Variants in PIAS2 observed in about 807,000 individuals in gnomAD.
PIAS2 encodes the protein protein inhibitor of activated STAT 2.
Under a neutral mutation model 69.7 loss-of-function variants are expected in PIAS2, and 19 were observed. The observed-to-expected ratio is 0.27, with a 90% CI of 0.19 to 0.40. PIAS2 has a LOEUF of 0.40. PIAS2 is among the 10% of genes least tolerant of loss of function. The pLI is 1.00. For synonymous variants in PIAS2, 261 were observed against 263.2 expected (o/e 0.99, Z 0.08); for missense variants, 624 against 757.0 (o/e 0.82, Z 2.06).
chr18:46,893,937 C>T (rs1295844895), intron 1 of PIAS2, among the ~76,000 whole-genome samples: 1 of 152,122 alleles, frequency 6.6e-6, no homozygotes, highest in Non-Finnish European at 1.5e-5. Context: ...ACCAGCCTGA[C>T]CAACATGGTG....
In PIAS2 at chr18:46,896,786, T is replaced by A. The variant is rs912564048; in HGVS notation, c.25-5732A>T. On this transcript the variant is annotated intron_variant, in intron 1 of 13. Transcript: ENST00000585916. ...AATATTAACACATCAATGTTTCCTG[T>A]GAGTGTAGACATAAAAGTCCTCAAT... Among the ~76,000 whole-genome samples, 37 of 152,224 alleles carry A rather than the reference T, an allele frequency of 2.4e-4. 1 individual carries two copies. Among genetic ancestry groups the A allele is most frequent in the Admixed American group, 2.2e-3 (33 of 15,280 alleles).
intron 12 of PIAS2, chr18:46,817,038 A>G (rs1427659470): frequency 1.1e-6 from 1 of 939,954 alleles, no homozygotes; most frequent in Non-Finnish European, 1.3e-6. Context: ...TATTAAGTAA[A>G]AAAAGTTTAT....
intron 1 of PIAS2, among the ~76,000 whole-genome samples, chr18:46,908,788 C>T (rs1469189816): frequency 6.6e-6 from 1 of 152,206 alleles, no homozygotes; most frequent in African/African-American, 2.4e-5. Flanking sequence ...GTGGGCAGAT[C>T]ACCTGAGGTC....
At chr18:46,822,284 T>C (rs1054192596) in intron 11 of PIAS2, among the ~76,000 whole-genome samples, 3 of 152,186 alleles carry the variant, frequency 2.0e-5, no homozygotes, top group African/African-American at 7.2e-5. Context: ...ACTATGTTAG[T>C]CTCAGAAAAG....
chr18:46,814,334 T>C (rs1181516068), intron 13 of PIAS2, among the ~76,000 whole-genome samples: 1 of 152,136 alleles, frequency 6.6e-6, no homozygotes, highest in Admixed American at 6.5e-5. Context: ...AATAAAAACC[T>C]CTAGGTTCCA....
intron 2 of PIAS2, among the ~76,000 whole-genome samples, chr18:46,877,394 C>T (rs557581187): frequency 1.3e-5 from 2 of 152,278 alleles, no homozygotes; most frequent in Non-Finnish European, 2.9e-5. Flanking sequence ...TTCTAAGCTA[C>T]CTGCTCTGTA....
At chr18:46,853,275 C>CTT in intron 5 of PIAS2, among the ~76,000 whole-genome samples, 1 of 138,814 alleles carries the variant, frequency 7.2e-6, no homozygotes, top group Middle Eastern at 3.7e-3. Flanking sequence ...ACCTGAGAGC[C>CTT]TTTTTTTTTT....
At chr18:46,878,863 C>T (rs969394400) in intron 2 of PIAS2, among the ~76,000 whole-genome samples, 7 of 152,086 alleles carry the variant, frequency 4.6e-5, no homozygotes, top group Admixed American at 2.6e-4. Flanking sequence ...AGCAAGACTC[C>T]GTCTATAAAA....
At chr18:46,886,093 T>A (rs2053134333) in intron 2 of PIAS2, among the ~76,000 whole-genome samples, 1 of 152,162 alleles carries the variant, frequency 6.6e-6, no homozygotes. Flanking sequence ...AGCAAAAGCC[T>A]ACTACAGCAT....
At position 46,847,098 on chromosome 18, in the gene PIAS2, C is replaced by G. The variant is rs538733228; in HGVS notation, c.727-257G>C. 4.6e-5 allele frequency among the ~76,000 whole-genome samples: 7 copies of G among 152,298 alleles called. No homozygotes were observed. The East Asian group carries it at 1.4e-3, about 29-fold the overall frequency. Reference sequence around the variant, plus strand: ...ACATTAAAATTAAAGATGCTGACATCTTGCCACATTGGCTATGAATGGTTT... The same window carrying G: ...ACATTAAAATTAAAGATGCTGACATGTTGCCACATTGGCTATGAATGGTTT... On this transcript the variant is annotated intron_variant, in intron 5 of 13. Transcript: ENST00000585916.
intron 2 of PIAS2, among the ~76,000 whole-genome samples, chr18:46,883,768 G>C (rs991898299): frequency 2.6e-5 from 4 of 152,168 alleles, no homozygotes; most frequent in African/African-American, 9.7e-5. Flanking sequence ...CTTCAGCCCA[G>C]GAGGTTGAGG....
At chr18:46,918,813 C>A (rs868098818), upstream of PIAS2, among the ~76,000 whole-genome samples, 33 of 152,238 alleles carry the variant, frequency 2.2e-4, no homozygotes, top group South Asian at 6.2e-4. Context: ...GTTCATCCTT[C>A]AGGTTTCACT....
chr18:46,828,193 T>C (rs1414399454), intron 10 of PIAS2, 63 bp from the exon 11 acceptor site: 1 of 1,389,462 alleles, frequency 7.2e-7, no homozygotes, highest in Non-Finnish European at 9.7e-7. Context: ...ACTCTAGTGG[T>C]AGAGTCTAGT....
chr18:46,870,615 CAAAAAAAAA>C (rs58099640), intron 2 of PIAS2, among the ~76,000 whole-genome samples: 9 of 54,934 alleles, frequency 1.6e-4, no homozygotes, highest in East Asian at 7.5e-4. Context: ...GACTCCGTCT[CAAAAAAAAA>C]AAAAAAAAAA....
intron 3 of PIAS2, among the ~76,000 whole-genome samples, chr18:46,858,262 G>A (rs1194200355): frequency 6.6e-6 from 1 of 151,338 alleles, no homozygotes; most frequent in African/African-American, 2.4e-5. Flanking sequence ...GAAAACAACT[G>A]CCAGGCAATG....
chr18:46,871,561 A>G (rs1012884251), intron 2 of PIAS2, among the ~76,000 whole-genome samples: 2 of 152,206 alleles, frequency 1.3e-5, no homozygotes, highest in Non-Finnish European at 2.9e-5. Context: ...CAGGGGCTCT[A>G]TTCTTTTTAT....
At chr18:46,845,004 C>T in intron 6 of PIAS2, 165 bp from the exon 7 acceptor site, 1 of 389,128 alleles carries the variant, frequency 2.6e-6, no homozygotes, top group East Asian at 3.8e-5. Flanking sequence ...CAAGCTACTT[C>T]ACTGAAAATA....
At chr18:46,916,797 G>C (rs2057976319) in intron 1 of PIAS2, 1 of 984,864 alleles carries the variant, frequency 1.0e-6, no homozygotes, top group Non-Finnish European at 1.2e-6. Flanking sequence ...AGGAGGCAAG[G>C]GTGGGAGAAG....
chr18:46,875,245 C>A (rs1016116681), intron 2 of PIAS2, among the ~76,000 whole-genome samples: 2 of 152,082 alleles, frequency 1.3e-5, no homozygotes, highest in African/African-American at 4.8e-5. Context: ...AAGCATGGAG[C>A]CTTAAAAAGT....
Sources: allele counts gnomAD v4.1 joint callset (sites outside exome capture counted in the v4.1 genomes callset), GRCh38; gene constraint gnomAD v4.1.1; transcripts MANE v1.5; gene names NCBI Gene and HGNC (gene_info 2026-07-23, HGNC 2026-07-21).